PMFBP1: variants seen among roughly 807,000 people sequenced by gnomAD.
PMFBP1 encodes polyamine modulated factor 1 binding protein 1.
A neutral mutation model predicts 137.8 loss-of-function variants in PMFBP1; 131 were observed. The observed-to-expected ratio is 0.95, with a 90% CI of 0.82 to 1.10. PMFBP1 has a LOEUF of 1.10. Ranked by LOEUF, PMFBP1 falls within the 50% of genes least tolerant of loss-of-function variation. The pLI is 0.00. For synonymous variants in PMFBP1, 490 were observed against 450.4 expected (o/e 1.09, Z -1.11); for missense variants, 1,199 against 1,175.4 (o/e 1.02, Z -0.29).
chr16:72,164,500 T>C, intron 3 of PMFBP1: 1 of 1,425,070 alleles, frequency 7.0e-7, no homozygotes, highest in Non-Finnish European at 9.4e-7. Context: ...TAAATACAGG[T>C]GTGAAAGGCC....
At chr16:72,169,736 A>G (rs1597494827) in intron 2 of PMFBP1, among the ~76,000 whole-genome samples, 2 of 152,250 alleles carry the variant, frequency 1.3e-5, no homozygotes, top group African/African-American at 4.8e-5. Flanking sequence ...AGATCCCCTT[A>G]TCAGCTGTGT....
At chr16:72,220,332 A>C in the PMFBP1 span, among the ~76,000 whole-genome samples, 1 of 152,268 alleles carries the variant, frequency 6.6e-6, no homozygotes. Context: ...TGCTAGATGG[A>C]ATATTAAACA....
intron 10 of PMFBP1, 40 bp downstream of exon 10, chr16:72,132,708 A>G: frequency 6.2e-7 from 1 of 1,613,184 alleles, no homozygotes; most frequent in Non-Finnish European, 8.5e-7. Context: ...CTCTAGCCCC[A>G]CAGAAAAGTG....
At chr16:72,117,166 T>C (rs2042316566), downstream of PMFBP1, among the ~76,000 whole-genome samples, 1 of 152,202 alleles carries the variant, frequency 6.6e-6, no homozygotes, top group Admixed American at 6.5e-5. Flanking sequence ...GTTTATGTCT[T>C]CTTTAATTTC....
intron 19 of PMFBP1, among the ~76,000 whole-genome samples, chr16:72,122,229 A>G (rs1217079171): frequency 1.3e-5 from 2 of 152,200 alleles, no homozygotes; most frequent in Admixed American, 1.3e-4. Context: ...AAATGATCTC[A>G]TTCTTTTTGA....
the PMFBP1 span, among the ~76,000 whole-genome samples, chr16:72,219,838 A>T: frequency 2.0e-5 from 3 of 152,228 alleles, no homozygotes; most frequent in African/African-American, 4.8e-5. Flanking sequence ...TCAATATAAC[A>T]CACATTTGCT....
At chr16:72,226,631 C>G in the PMFBP1 span, among the ~76,000 whole-genome samples, 2 of 152,060 alleles carry the variant, frequency 1.3e-5, no homozygotes, top group Non-Finnish European at 2.9e-5. Context: ...TTTTGTCTCT[C>G]TCTTAGAACA....
chr16:72,150,496 T>G, intron 5 of PMFBP1, 112 bp downstream of exon 5: 1 of 993,436 alleles, frequency 1.0e-6, no homozygotes, highest in Non-Finnish European at 1.6e-6. Context: ...GGGCAGGAAG[T>G]GACATCTGGG....
chr16:72,128,574 G>T (rs1401785067), intron 14 of PMFBP1, 83 bp downstream of exon 14: 1 of 1,611,272 alleles, frequency 6.2e-7, no homozygotes, highest in Non-Finnish European at 8.5e-7. Flanking sequence ...GCATTTCTGT[G>T]TGGAGGAGAG....
chr16:72,158,055 G>A (rs1030118166), intron 3 of PMFBP1, among the ~76,000 whole-genome samples: 9 of 152,316 alleles, frequency 5.9e-5, no homozygotes, highest in African/African-American at 2.2e-4. Flanking sequence ...AGTGGTGGTG[G>A]CAGCACAGGG....
the PMFBP1 span, among the ~76,000 whole-genome samples, chr16:72,228,065 G>A: frequency 6.6e-6 from 1 of 152,098 alleles, no homozygotes; most frequent in Non-Finnish European, 1.5e-5. Flanking sequence ...CCCATCAAAG[G>A]TTTTCAAACT....
intron 10 of PMFBP1, among the ~76,000 whole-genome samples, chr16:72,131,924 C>T (rs2042555301): frequency 6.6e-6 from 1 of 152,210 alleles, no homozygotes; most frequent in Non-Finnish European, 1.5e-5. Context: ...CAGCTCACTG[C>T]AACCTTGACC....
At chr16:72,140,860 T>C (rs1234079880) in intron 5 of PMFBP1, among the ~76,000 whole-genome samples, 4 of 151,986 alleles carry the variant, frequency 2.6e-5, no homozygotes, top group Non-Finnish European at 1.5e-5. Flanking sequence ...ACCAGCTTTT[T>C]GGATATCATT....
the PMFBP1 span, among the ~76,000 whole-genome samples, chr16:72,214,655 A>C: frequency 6.6e-6 from 1 of 152,222 alleles, no homozygotes; most frequent in Admixed American, 6.5e-5. Context: ...ATGCATAATA[A>C]AGACACATTC....
In PMFBP1 at chr16:72,119,240, G is replaced by A. The variant is rs1044399866; in HGVS notation, c.*98C>T. The A allele has an allele frequency of 2.2e-5, 31 of 1,378,884 alleles. No individual in the cohort carries two copies. In the African/African-American group the frequency reaches 3.7e-4, roughly 17 times the overall value. 85.4% of individuals were successfully genotyped at this position (1,378,884 alleles called of 1,614,324 possible). A position where few individuals can be genotyped will look rare whatever the true frequency, so the allele number is the denominator to read the frequency against. On this transcript the variant is annotated 3_prime_UTR_variant, in exon 21 of 21. Transcript: ENST00000237353. ...TAGGCTGGGACCGTGATATACTCCT[G>A]TAAGAGCTGATCCAGGTCAAGAGAG...
At chr16:72,208,767 G>A in the PMFBP1 span, among the ~76,000 whole-genome samples, 1 of 152,192 alleles carries the variant, frequency 6.6e-6, no homozygotes, top group Non-Finnish European at 1.5e-5. Flanking sequence ...TCACTTAAAA[G>A]AAATACAGGG....
chr16:72,175,606 C>G (rs989754522), upstream of PMFBP1, among the ~76,000 whole-genome samples: 6 of 152,290 alleles, frequency 3.9e-5, no homozygotes, highest in East Asian at 7.7e-4. Flanking sequence ...TTTTCCTAAT[C>G]TAAAACATGT....
chr16:72,208,348 A>AAATCACAGACT, the PMFBP1 span, among the ~76,000 whole-genome samples: 78,145 of 151,828 alleles, frequency 0.51, 21,455 homozygotes, highest in African/African-American at 0.7. Flanking sequence ...AGAAGCAGAA[A>AAATCACAGACT]AATCTGAATG....
intron 3 of PMFBP1, among the ~76,000 whole-genome samples, chr16:72,159,346 G>C (rs1458957372): frequency 6.6e-6 from 1 of 152,198 alleles, no homozygotes; most frequent in African/African-American, 2.4e-5. Flanking sequence ...GCCTGGCAGG[G>C]ATACTGGTGA....
Sources: gnomAD v4.1 joint callset for allele counts (sites outside exome capture counted in the v4.1 genomes callset) on GRCh38, gnomAD v4.1.1 for gene constraint, MANE v1.5 for transcripts, NCBI Gene and HGNC (gene_info 2026-07-23, HGNC 2026-07-21) for gene names.